CTBP2: variants seen among roughly 807,000 people sequenced by gnomAD.
CTBP2 encodes C-terminal-binding protein 2.
In CTBP2, 30 loss-of-function variants were observed where a neutral mutation model predicts 80.3. The ratio of observed to expected loss-of-function variants is 0.37; its 90% CI spans 0.28 to 0.51. The LOEUF is 0.51. Ranked by LOEUF, CTBP2 falls within the 20% of genes least tolerant of loss-of-function variation. The probability of loss-of-function intolerance (pLI) is 0.93; values close to 1 mark genes in which losing one functional copy is unlikely to be tolerated. For missense variants in CTBP2, 1,212 were observed against 1,375.3 expected (o/e 0.88, Z 1.88); for synonymous variants, 594 against 587.4 (o/e 1.01, Z -0.16).
intron 2 of CTBP2, among the ~76,000 whole-genome samples, chr10:125,085,723 T>C (rs1045878820): frequency 6.6e-6 from 1 of 152,176 alleles, no homozygotes; most frequent in African/African-American, 2.4e-5. Flanking sequence ...AGCTGGGGTG[T>C]GGGTAATCTC....
rs1957711096 is a variant in CTBP2, at chr10:125,027,181, C to T, written c.579G>A (p.Gln193=). 2.5e-6 allele frequency: 4 copies of T among 1,606,204 alleles called. 1 individual carries two copies. Among genetic ancestry groups the T allele is most frequent in the Middle Eastern group, 3.3e-4 (2 of 6,064 alleles). Residue 193 remains glutamine, a synonymous_variant, in exon 1 of 9, where the codon CAG becomes CAA. Transcript: ENST00000309035. ...CCTCCGCCCCATACCTGGTGTCGGG[C>T]TGCTCCCGTCCATACCGCCCGGGAG...
intron 1 of CTBP2, among the ~76,000 whole-genome samples, chr10:125,123,224 C>T (rs960529797): frequency 2.0e-5 from 3 of 151,976 alleles, no homozygotes; most frequent in Non-Finnish European, 4.4e-5. Context: ...AAAAGGGCAA[C>T]GGGGGGATTC....
intron 2 of CTBP2, among the ~76,000 whole-genome samples, chr10:125,108,771 G>A (rs1050964894): frequency 6.6e-6 from 1 of 152,226 alleles, no homozygotes; most frequent in African/African-American, 2.4e-5. Flanking sequence ...TGCGTGGGCC[G>A]TGGACACCAT....
At chr10:125,106,758 A>T (rs1851522747) in intron 2 of CTBP2, among the ~76,000 whole-genome samples, 1 of 152,224 alleles carries the variant, frequency 6.6e-6, no homozygotes, top group South Asian at 2.1e-4. Flanking sequence ...CAGTGGGAAA[A>T]TTCAGGCCTT....
At chr10:125,145,334 C>G (rs1425028579) in intron 1 of CTBP2, among the ~76,000 whole-genome samples, 1 of 152,194 alleles carries the variant, frequency 6.6e-6, no homozygotes, top group East Asian at 1.9e-4. Flanking sequence ...AGACTCCTGG[C>G]CAGGGGTGCC....
chr10:125,142,807 G>C (rs1489384951), intron 1 of CTBP2, among the ~76,000 whole-genome samples: 2 of 152,168 alleles, frequency 1.3e-5, no homozygotes, highest in Non-Finnish European at 2.9e-5. Flanking sequence ...GAAGACACCA[G>C]GAGGAAGGAT....
At position 125,084,942 on chromosome 10, in the gene CTBP2, T is replaced by C. The variant is rs79860698; in HGVS notation, c.-102+26048A>G. On this transcript the variant is annotated intron_variant, in intron 2 of 10. Coordinates refer to the CTBP2 transcript ENST00000337195. ...CGCCACGTCAGCAGATCTCTGCCAA[T>C]GTGTGCCTGCCCTTGAACATTTCCC... Among the ~76,000 whole-genome samples the C allele has an allele frequency of 6.7e-3, 1,026 of 152,312 alleles. 13 individuals are homozygous for C. Among genetic ancestry groups the C allele is most frequent in the African/African-American group, 0.024 (991 of 41,556 alleles).
At chr10:125,002,557 G>A (rs894712181) in intron 3 of CTBP2, among the ~76,000 whole-genome samples, 22 of 152,326 alleles carry the variant, frequency 1.4e-4, no homozygotes, top group Middle Eastern at 3.4e-3. Flanking sequence ...CTAGAGCTGT[G>A]CACACGGCAG....
Position 125,026,450 on chromosome 10 carries a change from G to C in CTBP2, c.1310C>G (p.Ser437Cys). ...GCAAGGGGTGGGAGAGCTGTACCCG[G>C]AGTTGGAGGGGAAGTGTGGGGCATG... is the stretch of plus-strand genomic sequence containing the variant. Residue 437 changes from serine (S) to cysteine (C), a missense_variant, in exon 1 of 9, where the codon TCC (serine) becomes TGC (cysteine). This residue lies in a region of CTBP2 where 848 missense variants were observed against 782.3 expected (regional missense o/e 1.08). Transcript: ENST00000309035. The C allele has an allele frequency of 6.2e-7, 1 of 1,600,822 alleles. No individual in the cohort carries two copies. The highest frequency in any genetic ancestry group is 1.1e-5 in the South Asian group (1 of 90,152).
chr10:125,009,502 C>T (rs1955630045), intron 1 of CTBP2, among the ~76,000 whole-genome samples: 1 of 152,236 alleles, frequency 6.6e-6, no homozygotes. Flanking sequence ...CCACCACCCT[C>T]AGAAAAGCTT....
At chr10:125,060,396 A>C (rs1030496109) in intron 2 of CTBP2, among the ~76,000 whole-genome samples, 1 of 152,174 alleles carries the variant, frequency 6.6e-6, no homozygotes, top group Non-Finnish European at 1.5e-5. Context: ...ACTTTTTCTT[A>C]AAACATGGCT....
intron 2 of CTBP2, among the ~76,000 whole-genome samples, chr10:125,052,284 G>A (rs1272466158): frequency 6.6e-5 from 10 of 152,092 alleles, no homozygotes; most frequent in Admixed American, 3.3e-4. Context: ...CTCCAATCTC[G>A]CCCCAGACAG....
Position 124,989,338 on chromosome 10 carries a change from C to T in CTBP2, c.*180G>A, listed in dbSNP as rs1483091118. 26 of 702,596 alleles carry T rather than the reference C, an allele frequency of 3.7e-5. No homozygotes were observed. Among genetic ancestry groups the T allele is most frequent in the Non-Finnish European group, 5.2e-5 (21 of 404,478 alleles). 43.5% of individuals were successfully genotyped at this position (702,596 alleles called of 1,614,324 possible). ...ATCACATCCTAGTCTTTCAGCGCTT[C>T]CGTAAGCAGACGACATCTTCAGTTT... On this transcript the variant is annotated 3_prime_UTR_variant, in exon 9 of 9. Coordinates refer to ENST00000309035, the MANE Select transcript of CTBP2 (RefSeq NM_022802.3).
chr10:125,072,405 A>T (rs915228081), intron 2 of CTBP2, among the ~76,000 whole-genome samples: 1 of 152,224 alleles, frequency 6.6e-6, no homozygotes, highest in Non-Finnish European at 1.5e-5. Flanking sequence ...ACCTGAGGTC[A>T]GGAGTTTGAC....
At chr10:125,116,255 G>A (rs755061654) in intron 1 of CTBP2, among the ~76,000 whole-genome samples, 39 of 152,196 alleles carry the variant, frequency 2.6e-4, no homozygotes, top group Non-Finnish European at 3.4e-4. Flanking sequence ...CACGCCTCAC[G>A]TAGAGACGGG....
In CTBP2 at chr10:124,987,037, G is replaced by GGAAA. The variant is rs1396997951; in HGVS notation, c.*2477_*2480dup. ...GATAGGTGCAGCATTCTTCCCTGTG[G>GGAAA]GAAAGAATTAAAGATGGTTCCATTT... On this transcript the variant is annotated 3_prime_UTR_variant, in exon 9 of 9. Transcript: ENST00000309035. The GGAAA allele has an allele frequency of 6.6e-6, 1 of 152,550 alleles. No individual in the cohort carries two copies. Among genetic ancestry groups the GGAAA allele is most frequent in the Admixed American group, 6.5e-5 (1 of 15,274 alleles). 9.4% of individuals were successfully genotyped at this position (152,550 alleles called of 1,614,324 possible). A position where few individuals can be genotyped will look rare whatever the true frequency, so the allele number is the denominator to read the frequency against.
chr10:125,149,819 G>T (rs1358637713), intron 1 of CTBP2, among the ~76,000 whole-genome samples: 1 of 152,226 alleles, frequency 6.6e-6, no homozygotes, highest in Admixed American at 6.5e-5. Flanking sequence ...TTCCGGTGGA[G>T]CGGGGCTGGT....
In CTBP2 at chr10:125,050,531, G is replaced by A. The variant is rs118065105; in HGVS notation, c.-101-11376C>T. 1.9e-3 allele frequency among the ~76,000 whole-genome samples: 290 copies of A among 152,340 alleles called. 6 individuals are homozygous for A. In the East Asian group the frequency reaches 0.029, roughly 15 times the overall value. On this transcript the variant is annotated intron_variant, in intron 2 of 10. Transcript: ENST00000337195. ...CACCCAAAGGGAGAGCGGGCGTCTC[G>A]CAGAGTCTGATGGGGAGGAGGAGGG...
At chr10:125,040,595 C>CACAT (rs1959411409) in intron 2 of CTBP2, among the ~76,000 whole-genome samples, 1 of 97,120 alleles carries the variant, frequency 1.0e-5, no homozygotes, top group South Asian at 4.1e-4. Flanking sequence ...CCACCACAAC[C>CACAT]ACATACACAC....
Sources: allele counts gnomAD v4.1 joint callset (sites outside exome capture counted in the v4.1 genomes callset), GRCh38; gene constraint gnomAD v4.1.1; regional missense constraint gnomAD v4.1.1; transcripts MANE v1.5; gene names NCBI Gene and HGNC (gene_info 2026-07-23, HGNC 2026-07-21).